TRAK1: variants seen among roughly 807,000 people sequenced by gnomAD.
The protein encoded by TRAK1 is trafficking kinesin protein 1.
In TRAK1, 33 loss-of-function variants were observed where a neutral mutation model predicts 92.1. The ratio of observed to expected loss-of-function variants is 0.36; its 90% CI spans 0.27 to 0.48. The LOEUF (loss-of-function observed/expected upper bound fraction) is 0.48, where lower values mean the gene tolerates loss of function less well. Among genes scored for constraint, TRAK1 ranks in the 20% least tolerant of loss-of-function variants. TRAK1 has a pLI of 0.99. For missense variants in TRAK1, 1,123 were observed against 1,257.9 expected, an observed-to-expected ratio of 0.89 and a Z score of 1.62; for synonymous variants, 521 against 517.3, an observed-to-expected ratio of 1.01 and a Z score of -0.10.
intron 14 of TRAK1, chr3:42,218,876 A>G (rs983806411): frequency 7.1e-6 from 7 of 985,410 alleles, no homozygotes; most frequent in Non-Finnish European, 8.4e-6. Flanking sequence ...AGGACCCTAG[A>G]GAGCCCTGAT....
intron 2 of TRAK1, among the ~76,000 whole-genome samples, chr3:42,163,812 C>A (rs1232010284): frequency 1.3e-5 from 2 of 152,182 alleles, no homozygotes; most frequent in East Asian, 3.9e-4. Flanking sequence ...TCTGTTCTCT[C>A]CTTCTCTTGT....
At chr3:42,132,515 T>G (rs565951724) in intron 2 of TRAK1, among the ~76,000 whole-genome samples, 4 of 152,270 alleles carry the variant, frequency 2.6e-5, no homozygotes, top group African/African-American at 9.6e-5. Flanking sequence ...TCCTCCCACC[T>G]CAGCCTCACA....
intron 2 of TRAK1, among the ~76,000 whole-genome samples, chr3:42,132,267 A>ATTTT (rs555637474): frequency 8.5e-6 from 1 of 118,246 alleles, no homozygotes; most frequent in East Asian, 2.4e-4. Flanking sequence ...TGTTTGGTGT[A>ATTTT]TTTTTTTTTT....
At chr3:42,170,988 T>TG (rs1341663363) in intron 2 of TRAK1, among the ~76,000 whole-genome samples, 1 of 151,976 alleles carries the variant, frequency 6.6e-6, no homozygotes, top group African/African-American at 2.4e-5. Context: ...CACACCCTGC[T>TG]AATTTTTTTT....
chr3:42,179,925 G>A (rs573192101), intron 3 of TRAK1, among the ~76,000 whole-genome samples: 73 of 151,988 alleles, frequency 4.8e-4, no homozygotes, highest in African/African-American at 1.6e-3. Flanking sequence ...TAGGGATGGT[G>A]TCTCACTATG....
At chr3:42,210,251 TG>T in intron 14 of TRAK1, 2 of 1,524,422 alleles carry the variant, frequency 1.3e-6, no homozygotes, top group Non-Finnish European at 1.8e-6. Context: ...CTCGTCTGTG[TG>T]GGTGATGATT....
intron 10 of TRAK1, among the ~76,000 whole-genome samples, chr3:42,197,002 T>TCACACACA (rs773977076): frequency 2.0e-4 from 21 of 103,596 alleles, no homozygotes; most frequent in African/African-American, 5.2e-4. Context: ...TCTCTCTCTC[T>TCACACACA]CACACACACA....
At chr3:42,047,928 T>C (rs891429750) in intron 1 of TRAK1, among the ~76,000 whole-genome samples, 15 of 150,792 alleles carry the variant, frequency 9.9e-5, no homozygotes, top group South Asian at 2.1e-4. Context: ...TTTTCTTTTT[T>C]TTTTTTTTTT....
chr3:42,212,757 C>T, intron 14 of TRAK1: 2 of 211,928 alleles, frequency 9.4e-6, no homozygotes, highest in Non-Finnish European at 8.2e-6. Flanking sequence ...TGGGGAAGAG[C>T]CTGCATGTGG....
chr3:42,184,671 C>G lies in TRAK1; in HGVS notation c.364-14C>G, dbSNP rs781007059. ...GGTCTTTTGAATCTCTGTTCTCCCT[C>G]TTTCCTTTTGTAGAAAGAGCGGGAT... On this transcript the variant is annotated splice_polypyrimidine_tract_variant and intron_variant, in intron 3 of 15. Coordinates refer to ENST00000327628, the MANE Select transcript of TRAK1 (RefSeq NM_001042646.3). 6.2e-7 allele frequency: 1 copy of G among 1,613,116 alleles called. No homozygotes were observed. Among genetic ancestry groups the G allele is most frequent in the Admixed American group, 1.7e-5 (1 of 59,872 alleles).
At chr3:42,210,184 C>T (rs1297403520) in intron 14 of TRAK1, 199 bp downstream of exon 14, 1 of 1,577,008 alleles carries the variant, frequency 6.3e-7, no homozygotes, top group Non-Finnish European at 8.6e-7. Context: ...GAGTTTTGGG[C>T]CATTCTCACC....
At chr3:42,109,868 C>T (rs756650208) in intron 1 of TRAK1, among the ~76,000 whole-genome samples, 4 of 151,608 alleles carry the variant, frequency 2.6e-5, no homozygotes, top group Non-Finnish European at 4.4e-5. Context: ...AACCAAACAC[C>T]GCATTTTCTC....
chr3:42,134,413 G>C (rs1697662159), intron 2 of TRAK1, among the ~76,000 whole-genome samples: 1 of 151,410 alleles, frequency 6.6e-6, no homozygotes, highest in African/African-American at 2.4e-5. Context: ...GAGTAGCTGG[G>C]ACTGCAGGTG....
At chr3:42,152,464 A>C (rs1223260179) in intron 2 of TRAK1, among the ~76,000 whole-genome samples, 1 of 152,210 alleles carries the variant, frequency 6.6e-6, no homozygotes, top group Non-Finnish European at 1.5e-5. Flanking sequence ...GAACCTCTAA[A>C]ACTTGGGAAA....
At chr3:42,158,030 T>C (rs1559848204) in intron 2 of TRAK1, among the ~76,000 whole-genome samples, 1 of 152,322 alleles carries the variant, frequency 6.6e-6, no homozygotes, top group East Asian at 1.9e-4. Flanking sequence ...TTCACTGTAG[T>C]GTTCTTTATT....
intron 12 of TRAK1, 92 bp downstream of exon 12, chr3:42,201,146 T>C: frequency 1.5e-6 from 2 of 1,319,854 alleles, no homozygotes; most frequent in Non-Finnish European, 2.2e-6. Context: ...AAGAGGGAGG[T>C]AGATGAGAGT....
intron 1 of TRAK1, among the ~76,000 whole-genome samples, chr3:42,061,895 T>A (rs1037613002): frequency 4.6e-5 from 7 of 152,216 alleles, no homozygotes; most frequent in African/African-American, 9.6e-5. Context: ...ATTCAAATGA[T>A]GACAGCCATT....
At chr3:42,218,432 C>T in intron 14 of TRAK1, 2 of 670,198 alleles carry the variant, frequency 3.0e-6, no homozygotes, top group Non-Finnish European at 3.5e-6. Flanking sequence ...TGAGCTGCTA[C>T]AGGGGCAGAG....
chr3:42,031,047 T>G (rs1239019797), intron 1 of TRAK1, among the ~76,000 whole-genome samples: 1 of 148,048 alleles, frequency 6.8e-6, no homozygotes, highest in East Asian at 2.0e-4. Flanking sequence ...TTTTTTTTTT[T>G]TTTTTTGAGA....
Sources: allele counts gnomAD v4.1 joint callset (sites outside exome capture counted in the v4.1 genomes callset), GRCh38; gene constraint gnomAD v4.1.1; transcripts MANE v1.5; gene names NCBI Gene and HGNC (gene_info 2026-07-23, HGNC 2026-07-21).